RNF11: variants seen among roughly 807,000 people sequenced by gnomAD.
RNF11 encodes the protein ring finger protein 11.
A neutral mutation model predicts 15.8 loss-of-function variants in RNF11; 4 were observed. The ratio of observed to expected loss-of-function variants is 0.25; its 90% confidence interval spans 0.12 to 0.58. The LOEUF is 0.58. RNF11 is among the 20% of genes least tolerant of loss of function. The pLI is 0.91. For missense variants in RNF11, 139 were observed against 194.4 expected (o/e 0.71, Z 1.70); for synonymous variants, 68 against 72.3 (o/e 0.94, Z 0.30).
At chr1:51,264,585 C>T (rs1300604688) in intron 1 of RNF11, among the ~76,000 whole-genome samples, 2 of 152,012 alleles carry the variant, frequency 1.3e-5, no homozygotes, top group Admixed American at 6.6e-5. Context: ...GTGGTGCCAG[C>T]AGCAGCTTGT....
chr1:51,243,285 T>A (rs181340407), intron 1 of RNF11, among the ~76,000 whole-genome samples: 4 of 152,308 alleles, frequency 2.6e-5, no homozygotes, highest in Admixed American at 2.6e-4. Context: ...AACTGTGACT[T>A]CTTACCTTGT....
Position 51,271,575 on chromosome 1 carries a change from T to C in RNF11, c.*253T>C, listed in dbSNP as rs2148075957. The C allele has an allele frequency of 2.9e-6, 1 of 344,596 alleles. No individual in the cohort carries two copies. The highest frequency in any genetic ancestry group is 5.5e-5 in the South Asian group (1 of 18,130). 21.3% of individuals were successfully genotyped at this position (344,596 alleles called of 1,614,324 possible). Reference sequence around the variant, plus strand: ...ATATAATTGTATTTAGATCTTGTTATTGCTCCAGTACATAGGAATTGTGTA... The same window carrying C: ...ATATAATTGTATTTAGATCTTGTTACTGCTCCAGTACATAGGAATTGTGTA... On this transcript the variant is annotated 3_prime_UTR_variant, in exon 3 of 3. Transcript: ENST00000242719.
intron 2 of RNF11, among the ~76,000 whole-genome samples, chr1:51,270,385 G>A (rs1161646610): frequency 6.6e-6 from 1 of 152,116 alleles, no homozygotes; most frequent in African/African-American, 2.4e-5. Flanking sequence ...GGCTGAGGTC[G>A]GGGGATCACT....
At chr1:51,263,105 A>T (rs933622046) in intron 1 of RNF11, among the ~76,000 whole-genome samples, 1 of 152,178 alleles carries the variant, frequency 6.6e-6, no homozygotes, top group Non-Finnish European at 1.5e-5. Context: ...GGATTGTAAG[A>T]TGGTGCAGGT....
At chr1:51,244,239 A>G (rs1646842308) in intron 1 of RNF11, among the ~76,000 whole-genome samples, 1 of 152,232 alleles carries the variant, frequency 6.6e-6, no homozygotes, top group Non-Finnish European at 1.5e-5. Flanking sequence ...ATTTTGCTGT[A>G]AGAGTGTGCA....
intron 1 of RNF11, among the ~76,000 whole-genome samples, chr1:51,262,178 C>T (rs1393810108): frequency 2.6e-5 from 4 of 151,698 alleles, no homozygotes; most frequent in Non-Finnish European, 5.9e-5. Flanking sequence ...GATGGGGTTT[C>T]GCCATGTTGC....
chr1:51,258,189 A>G (rs1381003583), intron 1 of RNF11, among the ~76,000 whole-genome samples: 3 of 152,164 alleles, frequency 2.0e-5, no homozygotes, highest in East Asian at 3.9e-4. Flanking sequence ...GATAATCGGA[A>G]TGGCACGCAA....
chr1:51,246,241 G>A (rs759058157), intron 1 of RNF11, among the ~76,000 whole-genome samples: 3 of 152,032 alleles, frequency 2.0e-5, no homozygotes, highest in Non-Finnish European at 4.4e-5. Flanking sequence ...CTCTAGCCTG[G>A]GCAACAAGAG....
chr1:51,246,128 G>A lies in RNF11; in HGVS notation c.123+9249G>A, dbSNP rs1222096062. 5.3e-5 allele frequency among the ~76,000 whole-genome samples: 8 copies of A among 152,170 alleles called. No individual in the cohort carries two copies. In the East Asian group the frequency reaches 7.7e-4, roughly 15 times the overall value. On this transcript the variant is annotated intron_variant, in intron 1 of 2. Coordinates refer to ENST00000242719, the MANE Select transcript of RNF11 (RefSeq NM_014372.5). ...TAAAAATGCAAAAATAGCCGGGTGT[G>A]GTGGCACATGCCTGTAATCCCAGCT... is the stretch of plus-strand genomic sequence containing the variant.
intron 1 of RNF11, among the ~76,000 whole-genome samples, chr1:51,240,412 T>G (rs1386762499): frequency 6.6e-6 from 1 of 152,188 alleles, no homozygotes; most frequent in Admixed American, 6.5e-5. Context: ...AAGTGCAACC[T>G]GCCCTAATAA....
At chr1:51,247,140 G>A (rs993496831) in intron 1 of RNF11, among the ~76,000 whole-genome samples, 2 of 152,154 alleles carry the variant, frequency 1.3e-5, no homozygotes, top group Admixed American at 1.3e-4. Flanking sequence ...GTGAGGTGGT[G>A]AGAGAAGTCA....
chr1:51,243,345 A>G (rs1646838664), intron 1 of RNF11, among the ~76,000 whole-genome samples: 1 of 152,170 alleles, frequency 6.6e-6, no homozygotes, highest in Non-Finnish European at 1.5e-5. Flanking sequence ...AACATAATTG[A>G]TGTCTCCTCC....
intron 1 of RNF11, among the ~76,000 whole-genome samples, chr1:51,237,658 A>G (rs760709826): frequency 6.6e-6 from 1 of 152,032 alleles, no homozygotes; most frequent in Non-Finnish European, 1.5e-5. Flanking sequence ...TTTGTACAAT[A>G]ATCAGTAGTC....
At chr1:51,248,155 G>T (rs1223379315) in intron 1 of RNF11, among the ~76,000 whole-genome samples, 1 of 141,998 alleles carries the variant, frequency 7.0e-6, no homozygotes, top group Non-Finnish European at 1.5e-5. Flanking sequence ...AGGTTGGAGT[G>T]CAGTGTCACG....
At chr1:51,267,692 G>A (rs1479792126) in intron 1 of RNF11, among the ~76,000 whole-genome samples, 1 of 152,204 alleles carries the variant, frequency 6.6e-6, no homozygotes, top group Non-Finnish European at 1.5e-5. Context: ...ACCATATAGT[G>A]TTCGCAGATA....
chr1:51,267,420 T>C lies in RNF11; in HGVS notation c.124-2536T>C, dbSNP rs1047695642. On this transcript the variant is annotated intron_variant, in intron 1 of 2. Transcript: ENST00000242719. ...TAGTATATAATCTTACTCACATCTA[T>C]GATTTGTTACAGCAAAGAATCAAAG... Among the ~76,000 whole-genome samples the C allele has an allele frequency of 8.5e-5, 13 of 152,190 alleles. 1 individual carries two copies. The highest frequency in any genetic ancestry group is 3.3e-4 in the Admixed American group (5 of 15,282).
intron 1 of RNF11, chr1:51,251,442 C>G: frequency 4.8e-6 from 4 of 829,898 alleles, no homozygotes; most frequent in South Asian, 3.1e-5. Context: ...GCCTCCGGGC[C>G]CCCCCCCGCT....
intron 1 of RNF11, 125 bp downstream of exon 1, chr1:51,237,004 G>A: frequency 2.4e-6 from 3 of 1,265,234 alleles, no homozygotes; most frequent in Non-Finnish European, 1.1e-6. Flanking sequence ...GACCCCTTAG[G>A]GCTGGATCTG....
intron 1 of RNF11, among the ~76,000 whole-genome samples, chr1:51,261,894 A>G (rs1453436465): frequency 6.6e-6 from 1 of 151,878 alleles, no homozygotes; most frequent in Non-Finnish European, 1.5e-5. Flanking sequence ...GCTCGTTGCT[A>G]TGGCTCATGC....
Sources: gnomAD v4.1 joint callset for allele counts (sites outside exome capture counted in the v4.1 genomes callset) on GRCh38, gnomAD v4.1.1 for gene constraint, MANE v1.5 for transcripts, NCBI Gene and HGNC (gene_info 2026-07-23, HGNC 2026-07-21) for gene names.